Variants in TXNDC11 observed in about 807,000 individuals in gnomAD.
TXNDC11 encodes thioredoxin domain containing 11, also known as thioredoxin domain-containing protein 11.
TXNDC11 carries 68 observed loss-of-function variants against 78.0 expected under a neutral mutation model. That is an observed-to-expected ratio of 0.87 (90% CI 0.72 to 1.07). The LOEUF is 1.07. TXNDC11 is among the 50% of genes least tolerant of loss of function. TXNDC11 has a pLI of 0.00. For synonymous variants in TXNDC11, 571 were observed against 495.2 expected (o/e 1.15, Z -2.03); for missense variants, 1,389 against 1,221.8 (o/e 1.14, Z -2.04).
rs1567352886 is a variant in TXNDC11, at chr16:11,736,090, TAGA to T, written c.395_397del (p.Phe132del). On this transcript the variant is annotated inframe_deletion, in exon 2 of 12. Transcript: ENST00000283033. ...GATGGACTGTCCACACCAAGGGGCATAGAAGAAGAGCAGTACCACCTCTGAATC... is the reference window on the plus strand; with the variant it reads ...GATGGACTGTCCACACCAAGGGGCATAGAAGAGCAGTACCACCTCTGAATC... 1.9e-6 allele frequency: 3 copies of T among 1,614,168 alleles called. No individual in the cohort carries two copies. Among genetic ancestry groups the T allele is most frequent in the Middle Eastern group, 1.7e-4 (1 of 6,060 alleles).
chr16:11,693,502 C>CA (rs769776151), intron 7 of TXNDC11, among the ~76,000 whole-genome samples: 84 of 151,890 alleles, frequency 5.5e-4, no homozygotes, highest in Middle Eastern at 3.4e-3. Context: ...TAAAACAATT[C>CA]AATGAGTGTA....
intron 1 of TXNDC11, among the ~76,000 whole-genome samples, chr16:11,739,559 A>G (rs1405393062): frequency 6.6e-6 from 1 of 152,150 alleles, no homozygotes; most frequent in East Asian, 1.9e-4. Context: ...CAATTTTCCT[A>G]TGAAATTCAC....
At chr16:11,695,064 T>A (rs1286241647) in intron 7 of TXNDC11, among the ~76,000 whole-genome samples, 1 of 152,246 alleles carries the variant, frequency 6.6e-6, no homozygotes, top group Non-Finnish European at 1.5e-5. Context: ...AGGAAACAAG[T>A]CACGAAGACT....
chr16:11,736,308 A>C, intron 1 of TXNDC11, 75 bp from the exon 2 acceptor site: 1 of 1,220,966 alleles, frequency 8.2e-7, no homozygotes, highest in Non-Finnish European at 1.2e-6. Context: ...AGTAGAATGA[A>C]GCTTAAAAGG....
chr16:11,732,339 A>G (rs2052080402), intron 3 of TXNDC11, among the ~76,000 whole-genome samples: 1 of 152,278 alleles, frequency 6.6e-6, no homozygotes, highest in East Asian at 1.9e-4. Context: ...GTCTGAAAGG[A>G]CTACACCCCC....
intron 8 of TXNDC11, among the ~76,000 whole-genome samples, chr16:11,690,518 CA>C (rs1046889399): frequency 2.0e-5 from 3 of 152,222 alleles, no homozygotes; most frequent in Non-Finnish European, 4.4e-5. Flanking sequence ...GCCTATGAGA[CA>C]AAAAGGGAGG....
intron 5 of TXNDC11, among the ~76,000 whole-genome samples, chr16:11,704,899 T>TA (rs1254937858): frequency 6.9e-6 from 1 of 144,024 alleles, no homozygotes; most frequent in African/African-American, 2.6e-5. Flanking sequence ...GAACCAATGT[T>TA]AACTTCTTTT....
intron 1 of TXNDC11, 106 bp downstream of exon 1, chr16:11,742,371 A>G: frequency 3.2e-6 from 3 of 937,556 alleles, no homozygotes; most frequent in South Asian, 5.3e-5. Context: ...GGGCAAGGTC[A>G]GGCCCGACTT....
chr16:11,696,832 C>A (rs2050872251), intron 7 of TXNDC11, among the ~76,000 whole-genome samples: 1 of 152,268 alleles, frequency 6.6e-6, no homozygotes, highest in South Asian at 2.1e-4. Context: ...CCAACCACAA[C>A]CCTCTGGGCA....
chr16:11,681,120 C>T (rs1316679720), intron 11 of TXNDC11, among the ~76,000 whole-genome samples: 1 of 152,056 alleles, frequency 6.6e-6, no homozygotes, highest in African/African-American at 2.4e-5. Flanking sequence ...TGCAGTGAGC[C>T]GTAATTGCAC....
intron 5 of TXNDC11, among the ~76,000 whole-genome samples, chr16:11,702,092 G>GTATATATATATATATATATATATA (rs35673646): frequency 1.5e-4 from 21 of 144,328 alleles, no homozygotes; most frequent in African/African-American, 5.1e-4. Context: ...GTATGTATGT[G>GTATATATATATATATATATATATA]TATATATATA....
In TXNDC11 at chr16:11,696,225, G is replaced by A. The variant is rs535594178; in HGVS notation, c.1107+1900C>T. Among the ~76,000 whole-genome samples the A allele has an allele frequency of 7.0e-4, 107 of 152,058 alleles. 1 individual carries two copies. The highest frequency in any genetic ancestry group is 2.1e-3 in the African/African-American group (89 of 41,452). On this transcript the variant is annotated intron_variant, in intron 7 of 11. Coordinates refer to ENST00000283033, the MANE Select transcript of TXNDC11 (RefSeq NM_015914.7). The stretch of plus-strand genomic sequence containing the variant: ...TCCCGTCCCTCATGTCTCTGCTCAG[G>A]GTCCTCCTTCCCGTAAGTTTTTCTC...
chr16:11,691,329 T>G lies in TXNDC11; in HGVS notation c.1861A>C (p.Ile621Leu), dbSNP rs141781315. ...IVDVKEESHYILDPKQALMKL... is the reference protein window; with the variant it reads ...IVDVKEESHYLLDPKQALMKL... ...ATCAGTGCTTGCTTTGGATCCAAGA[T>G]GTAATGAGATTCTTCTTTCACGTCA... is the stretch of plus-strand genomic sequence containing the variant. The change falls in exon 8 of 12, where the codon ATC becomes CTC. Residue 621 changes from isoleucine to leucine, a missense_variant. By Grantham distance (5) the Ile-to-Leu change is conservative. Transcript: ENST00000283033. 2.2e-5 allele frequency: 36 copies of G among 1,614,022 alleles called. 2 individuals carry two copies. The Admixed American group carries it at 5.5e-4, about 25-fold the overall frequency.
At chr16:11,689,183 G>A (rs1445803297) in intron 8 of TXNDC11, among the ~76,000 whole-genome samples, 1 of 151,262 alleles carries the variant, frequency 6.6e-6, no homozygotes, top group African/African-American at 2.4e-5. Context: ...TAAACTCCTG[G>A]GCTCAAGCGA....
At chr16:11,734,784 T>C (rs962664235) in intron 2 of TXNDC11, among the ~76,000 whole-genome samples, 11 of 152,234 alleles carry the variant, frequency 7.2e-5, no homozygotes, top group Non-Finnish European at 1.3e-4. Flanking sequence ...CAGTTCCAAA[T>C]GAACTTCTGG....
At position 11,691,554 on chromosome 16, in the gene TXNDC11, G is replaced by A; in HGVS notation, c.1636C>T (p.Pro546Ser). ...SLEKKCEVDA[P>S]SSVPHIEENR... is the part of the protein sequence containing the mutation. ...TCCTCAATGTGAGGAACGGAGCTTG[G>A]GGCATCAACCTCACATTTCTTCTCA... The change falls in exon 8 of 12, where the codon CCA becomes TCA. Residue 546 changes from proline to serine, a missense_variant. Transcript: ENST00000283033. 1 of 1,614,178 alleles carries A rather than the reference G, an allele frequency of 6.2e-7. No homozygotes were observed. The highest frequency in any genetic ancestry group is 2.2e-5 in the East Asian group (1 of 44,886).
At chr16:11,683,956 G>A (rs916785560) in intron 11 of TXNDC11, among the ~76,000 whole-genome samples, 3 of 151,906 alleles carry the variant, frequency 2.0e-5, no homozygotes, top group African/African-American at 7.3e-5. Context: ...TCACCATGTC[G>A]GCCAGGCTGG....
intron 5 of TXNDC11, among the ~76,000 whole-genome samples, chr16:11,716,058 C>T (rs1254844894): frequency 1.3e-5 from 2 of 152,158 alleles, no homozygotes; most frequent in Non-Finnish European, 2.9e-5. Flanking sequence ...TACCTCTACC[C>T]TCCCCAAATT....
At chr16:11,701,670 T>C (rs1463973701) in intron 5 of TXNDC11, among the ~76,000 whole-genome samples, 1 of 151,956 alleles carries the variant, frequency 6.6e-6, no homozygotes, top group East Asian at 1.9e-4. Context: ...GGAAATAAAC[T>C]CAACCTCACT....
Sources: gnomAD v4.1 joint callset for allele counts (sites outside exome capture counted in the v4.1 genomes callset) on GRCh38, gnomAD v4.1.1 for gene constraint, MANE v1.5 for transcripts, NCBI Gene and HGNC (gene_info 2026-07-23, HGNC 2026-07-21) for gene names.